CYFIP1: variants seen among roughly 807,000 people sequenced by gnomAD.
CYFIP1 encodes cytoplasmic FMR1 interacting protein 1.
Under a neutral mutation model 163.5 loss-of-function variants are expected in CYFIP1, and 58 were observed. The observed-to-expected ratio is 0.35, with a 90% CI of 0.29 to 0.44. The LOEUF is 0.44. Among genes scored for constraint, CYFIP1 ranks in the 20% least tolerant of loss-of-function variants. The pLI is 1.00. For missense variants in CYFIP1, 1,338 were observed against 1,653.8 expected (o/e 0.81, Z 3.31); for synonymous variants, 663 against 660.7 (o/e 1.00, Z -0.05).
chr15:22,919,602 T>C (rs1160029348), intron 13 of CYFIP1, among the ~76,000 whole-genome samples: 1 of 152,202 alleles, frequency 6.6e-6, no homozygotes, highest in Non-Finnish European at 1.5e-5. Flanking sequence ...CACCCTGCCG[T>C]GTGGATGTCT....
At chr15:22,937,013 T>C (rs1352024464) in intron 9 of CYFIP1, 91 bp downstream of exon 9, 2 of 858,126 alleles carry the variant, frequency 2.3e-6, no homozygotes, top group East Asian at 2.6e-5. Context: ...CGTTTCCTGA[T>C]ATAGATCACA....
At position 22,925,966 on chromosome 15, in the gene CYFIP1, G is replaced by T. The variant is rs762587054; in HGVS notation, c.1359+16C>A. 3 of 1,610,436 alleles carry T rather than the reference G, an allele frequency of 1.9e-6. No individual in the cohort carries two copies. The highest frequency in any genetic ancestry group is 2.5e-6 in the Non-Finnish European group (3 of 1,177,110). On this transcript the variant is annotated intron_variant, in intron 13 of 30. Transcript: ENST00000617928. ...TAGAGCGACATGAGGAAGAGCGAGC[G>T]GCCGAGCATCCTCACCTCCACTAGG... is the stretch of plus-strand genomic sequence containing the variant.
At chr15:22,941,913 C>T (rs1432748787) in intron 6 of CYFIP1, among the ~76,000 whole-genome samples, 1 of 152,190 alleles carries the variant, frequency 6.6e-6, no homozygotes, top group Admixed American at 6.5e-5. Context: ...GCTGAGAAGG[C>T]TGCTTAAAAT....
intron 16 of CYFIP1, among the ~76,000 whole-genome samples, chr15:22,915,838 G>A (rs1041821896): frequency 1.3e-5 from 2 of 152,158 alleles, no homozygotes; most frequent in African/African-American, 4.8e-5. Context: ...GGCACACTCA[G>A]GGAGGTCTGT....
chr15:22,893,761 TCCTAAATC>T (rs2060145165), intron 22 of CYFIP1, among the ~76,000 whole-genome samples: 3 of 152,096 alleles, frequency 2.0e-5, no homozygotes, highest in African/African-American at 7.2e-5. Context: ...TCCAAACGGA[TCCTAAATC>T]CCTGTGCTGT....
chr15:22,888,982 T>C (rs2141928022), intron 23 of CYFIP1, among the ~76,000 whole-genome samples: 1 of 150,770 alleles, frequency 6.6e-6, no homozygotes, highest in Admixed American at 6.6e-5. Flanking sequence ...TCACTGGAGG[T>C]TGCAGTGAGG....
intron 22 of CYFIP1, among the ~76,000 whole-genome samples, chr15:22,901,307 G>A (rs548809599): frequency 7.2e-5 from 11 of 152,064 alleles, no homozygotes; most frequent in Non-Finnish European, 8.8e-5. Context: ...TAAAACGACC[G>A]GGACAAATTT....
intron 1 of CYFIP1, chr15:22,951,613 G>T: frequency 8.1e-7 from 1 of 1,235,262 alleles, no homozygotes; most frequent in Non-Finnish European, 1.1e-6. Context: ...AGGCCTGGGG[G>T]CGTGTCCAGT....
intron 23 of CYFIP1, among the ~76,000 whole-genome samples, chr15:22,892,394 G>T (rs1298718709): frequency 6.6e-6 from 1 of 152,110 alleles, no homozygotes. Flanking sequence ...GGGTGCTCCG[G>T]GTTTCCACCC....
intron 23 of CYFIP1, among the ~76,000 whole-genome samples, chr15:22,891,566 C>T (rs959007634): frequency 2.6e-5 from 4 of 152,252 alleles, no homozygotes; most frequent in African/African-American, 4.8e-5. Context: ...CCTGTCTCTC[C>T]TGCTCAGAGA....
intron 8 of CYFIP1, among the ~76,000 whole-genome samples, chr15:22,938,923 TAAAAAAAAAAAAAA>T (rs56169420): frequency 0.025 from 1,830 of 74,470 alleles, 62 homozygotes; most frequent in African/African-American, 0.085. Flanking sequence ...AAAAGCAGCT[TAAAAAAAAAAAAAA>T]AAAAAAAAAA....
At chr15:22,925,731 G>T (rs1392778889) in intron 13 of CYFIP1, among the ~76,000 whole-genome samples, 1 of 152,056 alleles carries the variant, frequency 6.6e-6, no homozygotes, top group Admixed American at 6.6e-5. Context: ...CCCCGCACCC[G>T]ACACTGCTCT....
intron 26 of CYFIP1, chr15:22,875,544 A>G (rs2059557609): frequency 1.0e-5 from 4 of 399,608 alleles, no homozygotes; most frequent in Admixed American, 3.7e-5. Flanking sequence ...AATTAATGTA[A>G]ATATAGACAC....
intron 23 of CYFIP1, among the ~76,000 whole-genome samples, chr15:22,888,367 C>A (rs978405864): frequency 1.3e-5 from 2 of 152,140 alleles, no homozygotes; most frequent in Non-Finnish European, 1.5e-5. Context: ...CTTTTAGTAT[C>A]CAGCCTCTTC....
At chr15:22,924,193 G>T (rs2061287053) in intron 13 of CYFIP1, among the ~76,000 whole-genome samples, 2 of 152,218 alleles carry the variant, frequency 1.3e-5, no homozygotes, top group South Asian at 2.1e-4. Context: ...GAAGCCCAAG[G>T]CAGGCGGATT....
At position 22,875,258 on chromosome 15, in the gene CYFIP1, ACTTCTTCTAAAGACTAGAG is replaced by A; in HGVS notation, c.3043-6_3055del. 6.2e-7 allele frequency: 1 copy of A among 1,614,128 alleles called. No homozygotes were observed. Among genetic ancestry groups the A allele is most frequent in the Non-Finnish European group, 8.5e-7 (1 of 1,179,960 alleles). Reference sequence around the variant, plus strand: ...AGGAGCCGCGTGCAGCAGGTCACACACTTCTTCTAAAGACTAGAGCAGAGAAAGAGAGGGTCAAGCTAGG... The same window carrying A: ...AGGAGCCGCGTGCAGCAGGTCACACACAGAGAAAGAGAGGGTCAAGCTAGG... On this transcript the variant is annotated splice_acceptor_variant and splice_polypyrimidine_tract_variant and coding_sequence_variant and intron_variant, in exon 27 of 31. Transcript: ENST00000617928. LOFTEE classifies it high-confidence loss of function.
At chr15:22,933,182 C>T (rs2061594317) in intron 10 of CYFIP1, among the ~76,000 whole-genome samples, 2 of 151,878 alleles carry the variant, frequency 1.3e-5, no homozygotes, top group South Asian at 4.2e-4. Flanking sequence ...GACTATCACC[C>T]AGCACTGTCC....
chr15:22,925,402 G>GTCCAACCCTC (rs2061326843), intron 13 of CYFIP1, among the ~76,000 whole-genome samples: 1 of 152,192 alleles, frequency 6.6e-6, no homozygotes, highest in Non-Finnish European at 1.5e-5. Context: ...GCATTGTCAC[G>GTCCAACCCTC]TGACCAGCTA....
At chr15:22,887,303 C>A (rs2059951862) in intron 23 of CYFIP1, among the ~76,000 whole-genome samples, 1 of 152,214 alleles carries the variant, frequency 6.6e-6, no homozygotes. Flanking sequence ...AGAAACCCCA[C>A]CCAGTGTCTG....
Sources: allele counts gnomAD v4.1 joint callset (sites outside exome capture counted in the v4.1 genomes callset), GRCh38; gene constraint gnomAD v4.1.1; transcripts MANE v1.5; gene names NCBI Gene and HGNC (gene_info 2026-07-23, HGNC 2026-07-21).